Variants in PRUNE2 observed in about 807,000 individuals in gnomAD.
PRUNE2 encodes protein prune homolog 2.
A neutral mutation model predicts 252.0 loss-of-function variants in PRUNE2; 164 were observed. The observed-to-expected ratio is 0.65, with a 90% CI of 0.57 to 0.74. The LOEUF (loss-of-function observed/expected upper bound fraction) is 0.74, where lower values mean the gene tolerates loss of function less well. Among genes scored for constraint, PRUNE2 ranks in the 30% least tolerant of loss-of-function variants. PRUNE2 has a pLI of 0.00. For missense variants in PRUNE2, 3,495 were observed against 3,711.0 expected (o/e 0.94, Z 1.51); for synonymous variants, 1,292 against 1,350.2 (o/e 0.96, Z 0.94).
At chr9:76,728,323 G>A (rs977757000) in intron 6 of PRUNE2, among the ~76,000 whole-genome samples, 1 of 151,754 alleles carries the variant, frequency 6.6e-6, no homozygotes, top group Non-Finnish European at 1.5e-5. Context: ...CTCAACCCCG[G>A]CTATACCTAA....
intron 9 of PRUNE2, among the ~76,000 whole-genome samples, chr9:76,686,426 T>C (rs2044098375): frequency 6.6e-6 from 1 of 152,214 alleles, no homozygotes; most frequent in Admixed American, 6.5e-5. Flanking sequence ...TCTGTCTTTA[T>C]TGCAAAGACA....
rs1003155100 is a variant in PRUNE2, at chr9:76,791,314, T to C, written c.756+32318A>G. Reference sequence around the variant, plus strand: ...TACAATAATACTGCACCAATTATCATTGGTACAATAATACTGCACCAATTA... The same window carrying C: ...TACAATAATACTGCACCAATTATCACTGGTACAATAATACTGCACCAATTA... On this transcript the variant is annotated intron_variant, in intron 6 of 18. Transcript: ENST00000376718. Among the ~76,000 whole-genome samples, 34 of 51,302 alleles carry C rather than the reference T, an allele frequency of 6.6e-4. 1 individual carries two copies. Among genetic ancestry groups the C allele is most frequent in the Admixed American group, 6.1e-3 (27 of 4,422 alleles). 33.7% of individuals were successfully genotyped at this position (51,302 alleles called of 152,430 possible). A position where few individuals can be genotyped will look rare whatever the true frequency, so the allele number is the denominator to read the frequency against.
chr9:76,718,605 T>C (rs1386791568), intron 6 of PRUNE2, among the ~76,000 whole-genome samples: 1 of 152,148 alleles, frequency 6.6e-6, no homozygotes. Flanking sequence ...TTCAGTTGCC[T>C]TTGCTGGTTG....
chr9:76,622,423 C>A (rs1368056996), intron 17 of PRUNE2, among the ~76,000 whole-genome samples: 1 of 152,042 alleles, frequency 6.6e-6, no homozygotes, highest in Non-Finnish European at 1.5e-5. Context: ...TTAAAAGAAG[C>A]AAGATTTCAT....
At chr9:76,811,438 A>G (rs1029310905) in intron 6 of PRUNE2, among the ~76,000 whole-genome samples, 16 of 152,218 alleles carry the variant, frequency 1.1e-4, no homozygotes, top group African/African-American at 3.9e-4. Context: ...TAAAATGACT[A>G]GAACAAAAGT....
At chr9:76,835,801 G>A (rs1287586381) in intron 4 of PRUNE2, among the ~76,000 whole-genome samples, 1 of 152,122 alleles carries the variant, frequency 6.6e-6, no homozygotes, top group Non-Finnish European at 1.5e-5. Flanking sequence ...TCCTTAAAAG[G>A]ATCTTTTTGA....
Position 76,709,736 on chromosome 9 carries a change from T to C in PRUNE2, c.2538A>G (p.Ser846=), listed in dbSNP as rs2046575486. The change falls in exon 8 of 19, where the codon TCA becomes TCG. Residue 846 remains serine, a synonymous_variant. Coordinates refer to ENST00000376718, the MANE Select transcript of PRUNE2 (RefSeq NM_015225.3). ...MAKSGFAFSS[S]ELLDNSPSEI... ...CACTGGGTGAATTGTCCAGTAGTTCTGAAGAAGAAAAGGCAAACCCACTTT... is the reference window on the plus strand; with the variant it reads ...CACTGGGTGAATTGTCCAGTAGTTCCGAAGAAGAAAAGGCAAACCCACTTT... 3.1e-6 allele frequency: 5 copies of C among 1,614,050 alleles called. No individual in the cohort carries two copies. The highest frequency in any genetic ancestry group is 2.7e-5 in the African/African-American group (2 of 75,070).
chr9:76,649,612 T>TGATAGATAGATAGATAGATA (rs56889503), intron 11 of PRUNE2, among the ~76,000 whole-genome samples: 202 of 149,984 alleles, frequency 1.3e-3, no homozygotes, highest in Middle Eastern at 3.4e-3. Context: ...GATAGATAGA[T>TGATAGATAGATAGATAGATA]GATAGATAGA....
rs1266530821 is a variant in PRUNE2, at chr9:76,613,034, A to G, written c.*1536T>C. On this transcript the variant is annotated 3_prime_UTR_variant, in exon 19 of 19. Transcript: ENST00000376718. ...CACGGACTTCAGCCAACACCTGTAT[A>G]TACTAAAGAAGTGCTTCTAAGAAGG... The G allele has an allele frequency of 1.3e-5, 2 of 152,190 alleles. No individual in the cohort carries two copies. Among genetic ancestry groups the G allele is most frequent in the African/African-American group, 4.8e-5 (2 of 41,450 alleles). The allele number at this position is 152,190 out of a possible 1,614,324, so 9.4% of individuals were successfully genotyped here.
chr9:76,690,066 T>C (rs1221197485), intron 9 of PRUNE2, among the ~76,000 whole-genome samples: 3 of 152,302 alleles, frequency 2.0e-5, no homozygotes, highest in Middle Eastern at 3.4e-3. Context: ...CTGAGCAACA[T>C]AGTGATAAAC....
chr9:76,666,101 A>C (rs1051144699), intron 9 of PRUNE2, among the ~76,000 whole-genome samples: 1 of 152,188 alleles, frequency 6.6e-6, no homozygotes, highest in Non-Finnish European at 1.5e-5. Context: ...TGACCAGAAG[A>C]CAAGAGTGTG....
chr9:76,641,973 T>G (rs758096130), intron 12 of PRUNE2: 2 of 1,493,396 alleles, frequency 1.3e-6, no homozygotes, highest in South Asian at 2.5e-5. Context: ...GAAGGTTACC[T>G]GAATCTCCTA....
chr9:76,837,800 C>A (rs770518844), intron 4 of PRUNE2, among the ~76,000 whole-genome samples: 1 of 140,256 alleles, frequency 7.1e-6, no homozygotes, highest in Non-Finnish European at 1.5e-5. Context: ...GAGACGGAGT[C>A]TTGCTCTGTC....
intron 6 of PRUNE2, 28 bp from the exon 7 acceptor site, chr9:76,713,749 T>G (rs1172923502): frequency 1.8e-5 from 28 of 1,556,128 alleles, no homozygotes; most frequent in Non-Finnish European, 2.4e-5. Flanking sequence ...AATTTGATAT[T>G]AATGTCAAAC....
intron 6 of PRUNE2, chr9:76,764,681 G>A (rs1263810903): frequency 6.6e-6 from 1 of 152,274 alleles, no homozygotes; most frequent in Non-Finnish European, 1.5e-5. Flanking sequence ...AAATTACTCT[G>A]GTTGCTGTGT....
intron 2 of PRUNE2, among the ~76,000 whole-genome samples, chr9:76,851,784 G>C (rs2059974720): frequency 2.0e-5 from 3 of 152,116 alleles, no homozygotes; most frequent in Non-Finnish European, 4.4e-5. Flanking sequence ...TTAGAAAACA[G>C]ATCTGTGGCA....
At chr9:76,728,525 T>C (rs752612282) in intron 6 of PRUNE2, among the ~76,000 whole-genome samples, 1 of 152,214 alleles carries the variant, frequency 6.6e-6, no homozygotes, top group Non-Finnish European at 1.5e-5. Context: ...CAATTTGTAT[T>C]GTCTACACAT....
chr9:76,649,813 C>T (rs372588430), intron 11 of PRUNE2, among the ~76,000 whole-genome samples: 6 of 152,120 alleles, frequency 3.9e-5, no homozygotes, highest in African/African-American at 1.2e-4. Flanking sequence ...GTGAGCTTCA[C>T]AAATTTTCCA....
At position 76,767,451 on chromosome 9, in the gene PRUNE2, C is replaced by CAAA. The variant is rs33948203; in HGVS notation, c.757-53733_757-53731dup. Among the ~76,000 whole-genome samples, 1,009 of 146,526 alleles carry CAAA rather than the reference C, an allele frequency of 6.9e-3. 9 individuals are homozygous for CAAA. The highest frequency in any genetic ancestry group is 0.023 in the African/African-American group (943 of 40,188). On this transcript the variant is annotated intron_variant, in intron 6 of 18. Transcript: ENST00000376718. ...GGGCAAAAAGAGCAAAACTCTGTCTCAAAAAAAAAAAGAAAGAAAGAAAAA... is the reference window on the plus strand; with the variant it reads ...GGGCAAAAAGAGCAAAACTCTGTCTCAAAAAAAAAAAAAAGAAAGAAAGAAAAA...
Sources: allele counts gnomAD v4.1 joint callset (sites outside exome capture counted in the v4.1 genomes callset), GRCh38; gene constraint gnomAD v4.1.1; transcripts MANE v1.5; gene names NCBI Gene and HGNC (gene_info 2026-07-23, HGNC 2026-07-21).